Variants in PAQR5 observed in about 807,000 individuals in gnomAD.
The protein encoded by PAQR5 is membrane progestin receptor gamma.
Under a neutral mutation model 34.5 loss-of-function variants are expected in PAQR5, and 20 were observed. The ratio of observed to expected loss-of-function variants is 0.58; its 90% CI spans 0.41 to 0.84. The LOEUF is 0.84. PAQR5 is among the 40% of genes least tolerant of loss of function. PAQR5 has a pLI of 0.00. For missense variants in PAQR5, 378 were observed against 412.7 expected, an observed-to-expected ratio of 0.92 and a Z score of 0.73; for synonymous variants, 131 against 155.6, an observed-to-expected ratio of 0.84 and a Z score of 1.18.
At chr15:69,305,058 G>A (rs1299767007) in intron 1 of PAQR5, among the ~76,000 whole-genome samples, 1 of 152,118 alleles carries the variant, frequency 6.6e-6, no homozygotes, top group East Asian at 1.9e-4. Context: ...GATTCATCAT[G>A]GTGTCTCAAC....
chr15:69,342,652 G>T (rs527788069), intron 2 of PAQR5, among the ~76,000 whole-genome samples: 41 of 152,270 alleles, frequency 2.7e-4, no homozygotes, highest in Non-Finnish European at 4.7e-4. Flanking sequence ...GGTGAGGACT[G>T]CTGGGGCCTT....
intron 6 of PAQR5, among the ~76,000 whole-genome samples, chr15:69,393,736 G>A (rs1187738305): frequency 6.6e-6 from 1 of 152,132 alleles, no homozygotes; most frequent in African/African-American, 2.4e-5. Context: ...GTTATCTGAT[G>A]CTTGCCCGAA....
intron 1 of PAQR5, among the ~76,000 whole-genome samples, chr15:69,301,675 T>G (rs1181537499): frequency 6.6e-6 from 1 of 152,138 alleles, no homozygotes; most frequent in East Asian, 1.9e-4. Flanking sequence ...CAAATCAAAC[T>G]GTAAGAGCGG....
At chr15:69,372,917 A>G (rs2055602813) in intron 3 of PAQR5, among the ~76,000 whole-genome samples, 1 of 152,144 alleles carries the variant, frequency 6.6e-6, no homozygotes, top group South Asian at 2.1e-4. Flanking sequence ...AAACAAACAA[A>G]TATATGATCT....
At chr15:69,389,842 C>T in intron 6 of PAQR5, 62 bp downstream of exon 6, 1 of 1,574,828 alleles carries the variant, frequency 6.3e-7, no homozygotes. Flanking sequence ...GCTCCCTGCA[C>T]TCTTTGAGGG....
rs537998479 is a variant in PAQR5 at position 69,311,952 on chromosome 15, AG to A, written c.-277+12897del. On this transcript the variant is annotated intron_variant, in intron 1 of 8. Transcript: ENST00000395407. ...GTAAGGGTCAGTAAACTGCAGGCCC[AG>A]TGAGGCTCCAGAGCCATCAGAGCAT... Among the ~76,000 whole-genome samples, 154 of 152,348 alleles carry A rather than the reference AG, an allele frequency of 1.0e-3. 1 individual carries two copies. Among genetic ancestry groups the A allele is most frequent in the Admixed American group, 2.6e-3 (40 of 15,302 alleles).
chr15:69,308,256 C>A (rs2053760769), intron 1 of PAQR5, among the ~76,000 whole-genome samples: 1 of 152,158 alleles, frequency 6.6e-6, no homozygotes, highest in African/African-American at 2.4e-5. Flanking sequence ...TGGGTAGAGA[C>A]CCAGAGATCA....
At chr15:69,327,439 C>T (rs1320785242) in intron 1 of PAQR5, among the ~76,000 whole-genome samples, 1 of 152,160 alleles carries the variant, frequency 6.6e-6, no homozygotes, top group Non-Finnish European at 1.5e-5. Flanking sequence ...CTTCCTGTCC[C>T]TACACATGGT....
intron 2 of PAQR5, among the ~76,000 whole-genome samples, chr15:69,342,159 G>A (rs1321756383): frequency 1.3e-5 from 2 of 152,102 alleles, no homozygotes; most frequent in Admixed American, 6.6e-5. Flanking sequence ...TTTGATAGCA[G>A]CCATCCTAAT....
At chr15:69,341,342 G>T (rs2054635837) in intron 2 of PAQR5, among the ~76,000 whole-genome samples, 1 of 133,988 alleles carries the variant, frequency 7.5e-6, no homozygotes. Context: ...ACATGTATTA[G>T]AATTCTATTC....
intron 3 of PAQR5, among the ~76,000 whole-genome samples, chr15:69,375,523 C>G (rs1449395792): frequency 1.3e-5 from 2 of 152,148 alleles, no homozygotes; most frequent in Non-Finnish European, 2.9e-5. Flanking sequence ...AGAAGTATGT[C>G]ACAGTCCAAA....
intron 4 of PAQR5, among the ~76,000 whole-genome samples, chr15:69,384,427 TGGTGGAGGGTGAG>T (rs2056043526): frequency 2.5e-5 from 2 of 80,402 alleles, no homozygotes; most frequent in Non-Finnish European, 5.3e-5. Flanking sequence ...TCCGTGTTCA[TGGTGGAGGGTGAG>T]CGGGCCCTCC....
chr15:69,387,932 C>T (rs2056157355), intron 5 of PAQR5, among the ~76,000 whole-genome samples: 1 of 151,154 alleles, frequency 6.6e-6, no homozygotes, highest in African/African-American at 2.4e-5. Flanking sequence ...TTCTTCTGAT[C>T]CCCAGCCTGC....
intron 1 of PAQR5, among the ~76,000 whole-genome samples, chr15:69,309,447 G>T (rs771598732): frequency 6.6e-6 from 1 of 152,182 alleles, no homozygotes; most frequent in Non-Finnish European, 1.5e-5. Context: ...ATGGGCAGCA[G>T]GTGGGAAGAG....
At chr15:69,327,898 C>G (rs539736631) in intron 1 of PAQR5, among the ~76,000 whole-genome samples, 32 of 152,274 alleles carry the variant, frequency 2.1e-4, no homozygotes, top group African/African-American at 7.5e-4. Context: ...CCTGCCTCAG[C>G]CTCCCGAGTA....
At chr15:69,299,744 C>T (rs1224080998) in intron 1 of PAQR5, among the ~76,000 whole-genome samples, 1 of 152,166 alleles carries the variant, frequency 6.6e-6, no homozygotes, top group Non-Finnish European at 1.5e-5. Context: ...CTCAGGAGCC[C>T]GGTAACTCTT....
At chr15:69,390,356 A>ATT (rs144601337) in intron 6 of PAQR5, among the ~76,000 whole-genome samples, 2,365 of 132,684 alleles carry the variant, frequency 0.018, 92 homozygotes, top group Middle Eastern at 0.044. Flanking sequence ...TTATTTATTT[A>ATT]TTTATTTTTT....
chr15:69,404,015 G>A lies in PAQR5; in HGVS notation c.*193G>A. ...AAATGTACACTGATTCTGTGTGTGTGATTTTAAAAGGAGAATATGGTTCAA... is the reference window on the plus strand; with the variant it reads ...AAATGTACACTGATTCTGTGTGTGTAATTTTAAAAGGAGAATATGGTTCAA... On this transcript the variant is annotated 3_prime_UTR_variant, in exon 9 of 9. Coordinates refer to ENST00000395407, the MANE Select transcript of PAQR5 (RefSeq NM_017705.4). The A allele has an allele frequency of 1.7e-6, 1 of 588,264 alleles. No homozygotes were observed. The highest frequency in any genetic ancestry group is 2.4e-5 in the South Asian group (1 of 42,232). 36.4% of individuals were successfully genotyped at this position (588,264 alleles called of 1,614,324 possible).
intron 4 of PAQR5, among the ~76,000 whole-genome samples, chr15:69,384,428 G>C (rs1219237242): frequency 3.4e-5 from 3 of 87,404 alleles, no homozygotes; most frequent in East Asian, 3.6e-4. Flanking sequence ...CCGTGTTCAT[G>C]GTGGAGGGTG....
Sources: allele counts gnomAD v4.1 joint callset (sites outside exome capture counted in the v4.1 genomes callset), GRCh38; gene constraint gnomAD v4.1.1; transcripts MANE v1.5; gene names NCBI Gene and HGNC (gene_info 2026-07-23, HGNC 2026-07-21).